Variants in PPM1H observed in about 807,000 individuals in gnomAD.
PPM1H encodes the protein protein phosphatase 1H.
In PPM1H, 27 loss-of-function variants were observed where a neutral mutation model predicts 54.9. The ratio of observed to expected loss-of-function variants is 0.49; its 90% CI spans 0.36 to 0.68. The LOEUF is 0.68. Ranked by LOEUF, PPM1H falls within the 30% of genes least tolerant of loss-of-function variation. The pLI, the probability that PPM1H is intolerant of heterozygous loss-of-function variation, is 0.00. For synonymous variants in PPM1H, 305 were observed against 270.8 expected (o/e 1.13, Z -1.24); for missense variants, 596 against 667.8 (o/e 0.89, Z 1.19).
chr12:62,812,806 G>GA (rs1455994483), intron 2 of PPM1H, among the ~76,000 whole-genome samples: 1 of 148,960 alleles, frequency 6.7e-6, no homozygotes, highest in Non-Finnish European at 1.5e-5. Flanking sequence ...GTTCTAACTG[G>GA]AAAAGACTCC....
intron 6 of PPM1H, among the ~76,000 whole-genome samples, chr12:62,713,699 T>A (rs2076220146): frequency 2.0e-5 from 3 of 152,160 alleles, no homozygotes; most frequent in Admixed American, 6.5e-5. Context: ...CCAGGTTTGG[T>A]GGCTCATCCC....
At chr12:62,774,579 T>C (rs1003370102) in intron 4 of PPM1H, among the ~76,000 whole-genome samples, 1 of 152,142 alleles carries the variant, frequency 6.6e-6, no homozygotes, top group Non-Finnish European at 1.5e-5. Context: ...TGGACTCAAA[T>C]TATTCTCCTG....
chr12:62,876,746 C>T (rs1870186849), intron 1 of PPM1H, among the ~76,000 whole-genome samples: 2 of 152,176 alleles, frequency 1.3e-5, no homozygotes, highest in South Asian at 4.1e-4. Flanking sequence ...GGCTGAGTGC[C>T]ACTTCACAGA....
At chr12:62,781,010 T>G (rs2076638922) in intron 4 of PPM1H, among the ~76,000 whole-genome samples, 1 of 152,202 alleles carries the variant, frequency 6.6e-6, no homozygotes, top group African/African-American at 2.4e-5. Context: ...ACACGGGACG[T>G]GTTTCAAGGC....
chr12:62,675,182 G>A (rs1313167069), intron 8 of PPM1H, among the ~76,000 whole-genome samples: 1 of 152,190 alleles, frequency 6.6e-6, no homozygotes, highest in Non-Finnish European at 1.5e-5. Context: ...GGAGTCTACA[G>A]ACCAAACATT....
chr12:62,682,877 A>G lies in PPM1H; in HGVS notation c.1245+6822T>C, dbSNP rs143891281. 5.3e-4 allele frequency among the ~76,000 whole-genome samples: 81 copies of G among 151,616 alleles called. 1 individual carries two copies. Among genetic ancestry groups the G allele is most frequent in the African/African-American group, 1.6e-3 (66 of 41,312 alleles). ...TTCTCTGTCGCCCAGGCTGGGGTGC[A>G]GTGGCACAATCATGGCTCACTGCAG... On this transcript the variant is annotated intron_variant, in intron 8 of 9. Coordinates refer to ENST00000228705, the MANE Select transcript of PPM1H (RefSeq NM_020700.2).
chr12:62,804,953 G>A (rs2076797811), intron 2 of PPM1H, among the ~76,000 whole-genome samples: 1 of 152,048 alleles, frequency 6.6e-6, no homozygotes, highest in Admixed American at 6.6e-5. Context: ...GGGATTACAG[G>A]CCTGAGCCAC....
intron 8 of PPM1H, 63 bp downstream of exon 8, chr12:62,689,636 C>T (rs1445178160): frequency 3.9e-6 from 5 of 1,266,612 alleles, no homozygotes; most frequent in South Asian, 1.3e-5. Context: ...GTGTGAGTCA[C>T]AGGAGGAATA....
At chr12:62,817,560 T>C (rs1395497362) in intron 2 of PPM1H, among the ~76,000 whole-genome samples, 1 of 152,136 alleles carries the variant, frequency 6.6e-6, no homozygotes. Flanking sequence ...TTTAGCATAA[T>C]AAAATGAGAT....
At chr12:62,757,989 G>A (rs1160323378) in intron 4 of PPM1H, among the ~76,000 whole-genome samples, 5 of 152,184 alleles carry the variant, frequency 3.3e-5, no homozygotes, top group Admixed American at 6.5e-5. Context: ...ATTAGAAAGC[G>A]CAGTAATAGA....
At chr12:62,838,687 C>T (rs1868592894) in intron 1 of PPM1H, among the ~76,000 whole-genome samples, 1 of 102,120 alleles carries the variant, frequency 9.8e-6, no homozygotes, top group South Asian at 3.0e-4. Flanking sequence ...TTTGGGAGGC[C>T]GAGGCGGGCG....
chr12:62,677,296 G>C (rs2075993185), intron 8 of PPM1H, among the ~76,000 whole-genome samples: 1 of 152,180 alleles, frequency 6.6e-6, no homozygotes, highest in Non-Finnish European at 1.5e-5. Flanking sequence ...CTGAATGGCG[G>C]GACTGAAAGA....
chr12:62,697,824 T>C (rs575591383), intron 6 of PPM1H, among the ~76,000 whole-genome samples: 1 of 152,270 alleles, frequency 6.6e-6, no homozygotes, highest in South Asian at 2.1e-4. Flanking sequence ...ATAATATGAC[T>C]GACCAGAGAT....
intron 1 of PPM1H, among the ~76,000 whole-genome samples, chr12:62,931,298 C>A (rs1872124917): frequency 6.6e-6 from 1 of 152,166 alleles, no homozygotes; most frequent in Admixed American, 6.5e-5. Context: ...ATCTTCCTAC[C>A]TATTCAACCC....
intron 2 of PPM1H, among the ~76,000 whole-genome samples, chr12:62,811,982 G>A (rs926708482): frequency 6.6e-6 from 1 of 152,200 alleles, no homozygotes; most frequent in Non-Finnish European, 1.5e-5. Context: ...TGAAACTGGG[G>A]TACAGATAGT....
intron 4 of PPM1H, among the ~76,000 whole-genome samples, chr12:62,739,799 G>A (rs1305732058): frequency 1.3e-5 from 2 of 152,148 alleles, no homozygotes; most frequent in Non-Finnish European, 2.9e-5. Flanking sequence ...TTTGAGGCCC[G>A]AAGAGAAAAG....
chr12:62,666,449 T>C (rs2075917868), intron 9 of PPM1H, among the ~76,000 whole-genome samples: 1 of 152,166 alleles, frequency 6.6e-6, no homozygotes, highest in Admixed American at 6.6e-5. Context: ...CTGTAAGAAA[T>C]ACTTAACTTG....
intron 7 of PPM1H, among the ~76,000 whole-genome samples, chr12:62,690,383 A>G (rs971987804): frequency 6.6e-6 from 1 of 152,152 alleles, no homozygotes; most frequent in African/African-American, 2.4e-5. Context: ...AAAGAAACTT[A>G]TCAACTCTAT....
chr12:62,792,276 A>G (rs2076705216), intron 3 of PPM1H, among the ~76,000 whole-genome samples: 1 of 152,232 alleles, frequency 6.6e-6, no homozygotes, highest in Non-Finnish European at 1.5e-5. Flanking sequence ...TAGCTTACCC[A>G]TTTAACCCCT....
Sources: gnomAD v4.1 joint callset for allele counts (sites outside exome capture counted in the v4.1 genomes callset) on GRCh38, gnomAD v4.1.1 for gene constraint, MANE v1.5 for transcripts, NCBI Gene and HGNC (gene_info 2026-07-23, HGNC 2026-07-21) for gene names.